BCKDHB: variants seen among roughly 807,000 people sequenced by gnomAD.
BCKDHB encodes 2-oxoisovalerate dehydrogenase subunit beta, mitochondrial.
BCKDHB carries 41 observed loss-of-function variants against 48.5 expected under a neutral mutation model. That is an observed-to-expected ratio of 0.85 (90% CI 0.66 to 1.10). BCKDHB has a LOEUF of 1.10. BCKDHB is among the 50% of genes least tolerant of loss of function. The pLI, the probability that BCKDHB is intolerant of heterozygous loss-of-function variation, is 0.00. For missense variants in BCKDHB, 496 were observed against 494.2 expected, an observed-to-expected ratio of 1.00 and a Z score of -0.03; for synonymous variants, 201 against 174.8, an observed-to-expected ratio of 1.15 and a Z score of -1.18.
At chr6:80,351,720 T>C in the BCKDHB span, among the ~76,000 whole-genome samples, 4 of 150,402 alleles carry the variant, frequency 2.7e-5, no homozygotes, top group South Asian at 8.5e-4. Context: ...TCGGCTCACT[T>C]CAGCCTCGAC....
chr6:80,349,478 A>G (rs988894349), downstream of BCKDHB, among the ~76,000 whole-genome samples: 12 of 152,236 alleles, frequency 7.9e-5, no homozygotes, highest in African/African-American at 2.9e-4. Context: ...AACATAAGAC[A>G]TAAATGTAAT....
the BCKDHB span, among the ~76,000 whole-genome samples, chr6:80,380,281 ATATACC>A: frequency 6.6e-6 from 1 of 152,032 alleles, no homozygotes; most frequent in Non-Finnish European, 1.5e-5. Context: ...AAATAAAGTC[ATATACC>A]TATAACCAAT....
At chr6:80,414,883 G>A in the BCKDHB span, among the ~76,000 whole-genome samples, 2 of 151,946 alleles carry the variant, frequency 1.3e-5, no homozygotes, top group Non-Finnish European at 2.9e-5. Context: ...CTTCCTATTC[G>A]GGAGCATGGA....
the BCKDHB span, among the ~76,000 whole-genome samples, chr6:80,422,319 G>C: frequency 6.6e-6 from 1 of 152,198 alleles, no homozygotes; most frequent in Non-Finnish European, 1.5e-5. Context: ...AGATTTTAGA[G>C]GATGTATGGA....
chr6:80,172,187 A>G (rs560831082), intron 6 of BCKDHB, among the ~76,000 whole-genome samples: 16 of 152,162 alleles, frequency 1.1e-4, no homozygotes, highest in Non-Finnish European at 2.1e-4. Context: ...TTTTGCTTGT[A>G]TCAGTAGTTT....
the BCKDHB span, among the ~76,000 whole-genome samples, chr6:80,389,403 C>G: frequency 6.6e-6 from 1 of 152,212 alleles, no homozygotes; most frequent in African/African-American, 2.4e-5. Flanking sequence ...GGTGATCAGT[C>G]AGCTACCTGG....
the BCKDHB span, among the ~76,000 whole-genome samples, chr6:80,450,174 TAAAG>T: frequency 1.3e-5 from 2 of 152,204 alleles, no homozygotes; most frequent in Admixed American, 1.3e-4. Flanking sequence ...AAGCAGCTCA[TAAAG>T]AGACAGGTCT....
At chr6:80,287,383 A>T (rs1766675250) in intron 9 of BCKDHB, among the ~76,000 whole-genome samples, 1 of 152,060 alleles carries the variant, frequency 6.6e-6, no homozygotes, top group African/African-American at 2.4e-5. Flanking sequence ...CTATATAGCA[A>T]TTTTTCTAAA....
chr6:80,179,965 T>C (rs1224898683), intron 6 of BCKDHB, among the ~76,000 whole-genome samples: 2 of 152,176 alleles, frequency 1.3e-5, no homozygotes, highest in Non-Finnish European at 2.9e-5. Flanking sequence ...CCTGTTGATC[T>C]CTCTGACTCC....
the BCKDHB span, among the ~76,000 whole-genome samples, chr6:80,419,908 A>T: frequency 3.3e-5 from 5 of 152,156 alleles, no homozygotes; most frequent in Non-Finnish European, 5.9e-5. Context: ...TCTTTCCTCT[A>T]CTTGATTAAG....
At chr6:80,109,360 G>A (rs775041458) in intron 1 of BCKDHB, among the ~76,000 whole-genome samples, 10 of 152,120 alleles carry the variant, frequency 6.6e-5, no homozygotes, top group Non-Finnish European at 1.3e-4. Flanking sequence ...TTATGTTTTT[G>A]TTGTTAAAAT....
At chr6:80,223,424 GTCA>G (rs1435683666) in intron 8 of BCKDHB, among the ~76,000 whole-genome samples, 2 of 152,072 alleles carry the variant, frequency 1.3e-5, no homozygotes, top group African/African-American at 4.8e-5. Context: ...ATGTCATTAA[GTCA>G]TCTTCTGTTA....
intron 3 of BCKDHB, among the ~76,000 whole-genome samples, chr6:80,138,203 C>T (rs1770990175): frequency 6.6e-6 from 1 of 152,042 alleles, no homozygotes; most frequent in South Asian, 2.1e-4. Flanking sequence ...CTTCCTAAAA[C>T]CCAGTTCTAG....
At chr6:80,277,415 A>C (rs1233260320) in intron 9 of BCKDHB, among the ~76,000 whole-genome samples, 2 of 152,046 alleles carry the variant, frequency 1.3e-5, no homozygotes, top group African/African-American at 4.8e-5. Flanking sequence ...ATTTATTTAA[A>C]TATTAAGACC....
At chr6:80,119,794 T>C (rs556739250) in intron 1 of BCKDHB, among the ~76,000 whole-genome samples, 11 of 152,262 alleles carry the variant, frequency 7.2e-5, no homozygotes, top group African/African-American at 2.4e-4. Flanking sequence ...AAAGTAGAAA[T>C]TATTCCTTGA....
chr6:80,158,890 C>T (rs1582255635), intron 3 of BCKDHB, among the ~76,000 whole-genome samples: 1 of 152,162 alleles, frequency 6.6e-6, no homozygotes, highest in African/African-American at 2.4e-5. Flanking sequence ...ATAGTGTTCA[C>T]CCTAGGCAGT....
the BCKDHB span, among the ~76,000 whole-genome samples, chr6:80,400,141 T>C: frequency 2.0e-5 from 3 of 151,970 alleles, no homozygotes; most frequent in Non-Finnish European, 2.9e-5. Flanking sequence ...GAAGACAACA[T>C]AAGCAATAAG....
intron 8 of BCKDHB, among the ~76,000 whole-genome samples, chr6:80,264,478 G>A (rs78341411): frequency 0.015 from 2,330 of 152,242 alleles, 81 homozygotes; most frequent in African/African-American, 0.053. Context: ...TTTCTAGTGT[G>A]TAACTTGTCT....
chr6:80,115,983 C>T (rs2490238), intron 1 of BCKDHB, among the ~76,000 whole-genome samples: 5,164 of 152,228 alleles, frequency 0.034, 280 homozygotes, highest in African/African-American at 0.12. Flanking sequence ...AAGCCAGTGC[C>T]GAACGTATTG....
Sources: allele counts gnomAD v4.1 joint callset (sites outside exome capture counted in the v4.1 genomes callset), GRCh38; gene constraint gnomAD v4.1.1; transcripts MANE v1.5; gene names NCBI Gene and HGNC (gene_info 2026-07-23, HGNC 2026-07-21).